The following LRP1B variants were observed in gnomAD, a reference collection of about 807,000 sequenced individuals.
LRP1B encodes the protein low-density lipoprotein receptor-related protein 1B.
A neutral mutation model predicts 556.6 loss-of-function variants in LRP1B; 217 were observed. The observed-to-expected ratio is 0.39, with a 90% CI of 0.35 to 0.44. The LOEUF (loss-of-function observed/expected upper bound fraction) is 0.44, where lower values mean the gene tolerates loss of function less well. LRP1B is among the 20% of genes least tolerant of loss of function. The probability of loss-of-function intolerance (pLI) is 1.00; values close to 1 mark genes in which losing one functional copy is unlikely to be tolerated. For synonymous variants in LRP1B, 2,047 were observed against 1,865.8 expected (o/e 1.10, Z -2.50); for missense variants, 5,053 against 5,620.8 (o/e 0.90, Z 3.23).
chr2:141,221,941 A>AATTTATAGC (rs1378275871), intron 6 of LRP1B, among the ~76,000 whole-genome samples: 16 of 152,186 alleles, frequency 1.1e-4, no homozygotes, highest in African/African-American at 3.9e-4. Flanking sequence ...TTAAGAGGGA[A>AATTTATAGC]ATTTATAGCA....
At chr2:141,324,214 C>A (rs1327797901) in intron 3 of LRP1B, among the ~76,000 whole-genome samples, 1 of 151,890 alleles carries the variant, frequency 6.6e-6, no homozygotes, top group African/African-American at 2.4e-5. Context: ...CTGAACAAGA[C>A]CCTCTCCCAA....
At chr2:141,325,105 T>C (rs2105479215) in intron 3 of LRP1B, among the ~76,000 whole-genome samples, 1 of 151,974 alleles carries the variant, frequency 6.6e-6, no homozygotes, top group South Asian at 2.1e-4. Flanking sequence ...CCATTAAATT[T>C]AGATAAAATG....
chr2:140,239,418 C>T (rs758452820), intron 88 of LRP1B, 24 bp downstream of exon 88: 2 of 1,450,696 alleles, frequency 1.4e-6, no homozygotes, highest in South Asian at 1.2e-5. Context: ...TCACTGACTG[C>T]TAATCTAGAA....
intron 6 of LRP1B, among the ~76,000 whole-genome samples, chr2:141,217,372 T>C (rs1371419745): frequency 6.6e-6 from 1 of 152,164 alleles, no homozygotes; most frequent in African/African-American, 2.4e-5. Context: ...GAAGTAAATA[T>C]GTAGATTGCC....
chr2:141,630,186 A>G (rs2105348288), intron 2 of LRP1B, among the ~76,000 whole-genome samples: 1 of 152,264 alleles, frequency 6.6e-6, no homozygotes, highest in Non-Finnish European at 1.5e-5. Flanking sequence ...CAGAATCTCA[A>G]ACCATCACAC....
chr2:140,914,759 G>T (rs1694525027), intron 21 of LRP1B, among the ~76,000 whole-genome samples: 1 of 152,114 alleles, frequency 6.6e-6, no homozygotes, highest in Admixed American at 6.6e-5. Flanking sequence ...ATGCCATGTG[G>T]CTAAAGAGAA....
At chr2:140,647,485 T>G (rs140849629) in intron 41 of LRP1B, among the ~76,000 whole-genome samples, 1 of 152,252 alleles carries the variant, frequency 6.6e-6, no homozygotes, top group Non-Finnish European at 1.5e-5. Context: ...AAGACATTTT[T>G]GAGAGTGAAG....
chr2:141,089,107 T>C (rs1309490714), intron 7 of LRP1B, among the ~76,000 whole-genome samples: 1 of 152,204 alleles, frequency 6.6e-6, no homozygotes, highest in African/African-American at 2.4e-5. Context: ...TGGGTATCCT[T>C]AGAATGTTAC....
chr2:140,893,564 C>CCA (rs1183788224), intron 23 of LRP1B, among the ~76,000 whole-genome samples: 2 of 152,100 alleles, frequency 1.3e-5, no homozygotes, highest in African/African-American at 2.4e-5. Context: ...TCTTCATTTC[C>CCA]GTAGGTATAA....
intron 2 of LRP1B, among the ~76,000 whole-genome samples, chr2:141,800,050 C>G (rs142065005): frequency 6.6e-6 from 1 of 152,080 alleles, no homozygotes. Context: ...ATCTCTCTTT[C>G]GTCTTTGGCA....
At chr2:140,535,048 C>T (rs1690888291) in intron 46 of LRP1B, among the ~76,000 whole-genome samples, 1 of 152,284 alleles carries the variant, frequency 6.6e-6, no homozygotes, top group South Asian at 2.1e-4. Context: ...GCCTGTGAGA[C>T]TGTTTTCGTA....
chr2:141,557,127 C>T (rs1216419727), intron 2 of LRP1B, among the ~76,000 whole-genome samples: 1 of 151,748 alleles, frequency 6.6e-6, no homozygotes, highest in Non-Finnish European at 1.5e-5. Flanking sequence ...GTTTCATAGA[C>T]TTACTGATTC....
chr2:141,198,153 G>A (rs1300304657), intron 6 of LRP1B, among the ~76,000 whole-genome samples: 1 of 152,058 alleles, frequency 6.6e-6, no homozygotes, highest in Non-Finnish European at 1.5e-5. Flanking sequence ...TGAATAAGAT[G>A]ATATAATTGC....
chr2:141,861,999 T>G (rs1241265309), intron 1 of LRP1B, among the ~76,000 whole-genome samples: 1 of 152,178 alleles, frequency 6.6e-6, no homozygotes, highest in Non-Finnish European at 1.5e-5. Context: ...GCTTTCATAT[T>G]GTTACTTAGT....
intron 3 of LRP1B, among the ~76,000 whole-genome samples, chr2:141,467,767 A>G (rs1682287828): frequency 6.9e-6 from 1 of 144,792 alleles, no homozygotes; most frequent in Non-Finnish European, 1.5e-5. Flanking sequence ...GGTGAAATGC[A>G]GGCATAAATA....
At chr2:141,285,957 C>T (rs899650428) in intron 3 of LRP1B, among the ~76,000 whole-genome samples, 3 of 144,542 alleles carry the variant, frequency 2.1e-5, no homozygotes, top group Non-Finnish European at 4.6e-5. Context: ...GTCCCAGCTA[C>T]TTGGGAGGCT....
At chr2:140,451,581 C>T (rs1686887878) in intron 62 of LRP1B, among the ~76,000 whole-genome samples, 1 of 152,050 alleles carries the variant, frequency 6.6e-6, no homozygotes, top group Non-Finnish European at 1.5e-5. Context: ...ATAAAGATTC[C>T]TGAACACTGA....
At chr2:141,436,616 A>G (rs1420896264) in intron 3 of LRP1B, among the ~76,000 whole-genome samples, 3 of 105,676 alleles carry the variant, frequency 2.8e-5, no homozygotes, top group African/African-American at 6.8e-5. Context: ...TAGGTGATAT[A>G]TATGTATTTT....
At chr2:141,959,398 A>G (rs1164892067) in intron 1 of LRP1B, among the ~76,000 whole-genome samples, 1 of 151,974 alleles carries the variant, frequency 6.6e-6, no homozygotes, top group Non-Finnish European at 1.5e-5. Flanking sequence ...TGCTTCCACA[A>G]CTACCATTCC....
Sources: gnomAD v4.1 joint callset for allele counts (sites outside exome capture counted in the v4.1 genomes callset) on GRCh38, gnomAD v4.1.1 for gene constraint, MANE v1.5 for transcripts, NCBI Gene and HGNC (gene_info 2026-07-23, HGNC 2026-07-21) for gene names.